Variants in PTPRA observed in about 807,000 individuals in gnomAD.
PTPRA encodes the protein protein tyrosine phosphatase receptor type A.
In PTPRA, 25 loss-of-function variants were observed where a neutral mutation model predicts 104.8. The ratio of observed to expected loss-of-function variants is 0.24; its 90% CI spans 0.17 to 0.33. The LOEUF is 0.33. PTPRA is among the 10% of genes least tolerant of loss of function. The pLI is 1.00. For synonymous variants in PTPRA, 323 were observed against 368.9 expected (o/e 0.88, Z 1.43); for missense variants, 765 against 1,015.3 (o/e 0.75, Z 3.35).
chr20:2,975,694 A>G (rs975806292), intron 6 of PTPRA, among the ~76,000 whole-genome samples: 2 of 152,102 alleles, frequency 1.3e-5, no homozygotes, highest in Admixed American at 6.6e-5. Context: ...TAAAGTCTCT[A>G]TGGCCTGAGA....
chr20:2,986,705 C>T, intron 6 of PTPRA, 60 bp from the exon 7 acceptor site: 1 of 1,445,434 alleles, frequency 6.9e-7, no homozygotes, highest in Admixed American at 1.7e-5. Context: ...CCCTGAATGG[C>T]TGACTTAAGC....
At chr20:2,909,960 T>A (rs1231004856) in intron 1 of PTPRA, among the ~76,000 whole-genome samples, 2 of 123,832 alleles carry the variant, frequency 1.6e-5, no homozygotes, top group Non-Finnish European at 3.1e-5. Flanking sequence ...TATTATAATA[T>A]ATGATATATA....
chr20:3,031,868 T>C (rs2065472650), intron 20 of PTPRA, among the ~76,000 whole-genome samples: 1 of 152,218 alleles, frequency 6.6e-6, no homozygotes, highest in Admixed American at 6.5e-5. Context: ...CCTCATGCTT[T>C]CTTACTTTCA....
At chr20:2,885,162 C>G (rs1034972267) in intron 1 of PTPRA, among the ~76,000 whole-genome samples, 5 of 152,190 alleles carry the variant, frequency 3.3e-5, no homozygotes, top group African/African-American at 1.2e-4. Flanking sequence ...ACAATCCCAG[C>G]AGCAGTGTAT....
At chr20:3,036,269 G>A (rs904914578) in intron 22 of PTPRA, among the ~76,000 whole-genome samples, 2 of 152,240 alleles carry the variant, frequency 1.3e-5, no homozygotes, top group Admixed American at 1.3e-4. Context: ...TTTGAGCCTG[G>A]GTTGGTGTGA....
At chr20:2,929,930 G>A (rs1044294509) in intron 2 of PTPRA, among the ~76,000 whole-genome samples, 6 of 152,148 alleles carry the variant, frequency 3.9e-5, no homozygotes, top group African/African-American at 9.7e-5. Flanking sequence ...ATTTGTACAC[G>A]CAGACATCAG....
At chr20:3,028,171 C>A (rs1459122023) in intron 20 of PTPRA, among the ~76,000 whole-genome samples, 1 of 150,810 alleles carries the variant, frequency 6.6e-6, no homozygotes, top group Non-Finnish European at 1.5e-5. Flanking sequence ...AGCCTTTGCA[C>A]AGTGCCCCAG....
At chr20:3,012,610 A>G (rs1311738305) in intron 11 of PTPRA, among the ~76,000 whole-genome samples, 1 of 152,262 alleles carries the variant, frequency 6.6e-6, no homozygotes, top group Non-Finnish European at 1.5e-5. Flanking sequence ...GCAAAGATAA[A>G]GCATGGCTCA....
chr20:2,956,389 G>A lies in PTPRA; in HGVS notation c.-6-7883G>A, dbSNP rs192842610. Among the ~76,000 whole-genome samples the A allele has an allele frequency of 1.2e-3, 187 of 151,744 alleles. 2 individuals carry two copies. Among genetic ancestry groups the A allele is most frequent in the African/African-American group, 4.1e-3 (168 of 41,356 alleles). ...CGAGCCTCATTGTGTGCATTTCCCCGCCCCACCCTTTCCTCACCCACCCTA... is the reference window on the plus strand; with the variant it reads ...CGAGCCTCATTGTGTGCATTTCCCCACCCCACCCTTTCCTCACCCACCCTA... On this transcript the variant is annotated intron_variant, in intron 3 of 23. Transcript: ENST00000399903.
At position 2,986,755 on chromosome 20, in the gene PTPRA, T is replaced by C. The variant is rs779177652; in HGVS notation, c.443-10T>C. The C allele has an allele frequency of 2.7e-5, 43 of 1,606,220 alleles. No individual in the cohort carries two copies. In the East Asian group the frequency reaches 8.7e-4, roughly 32 times the overall value. On this transcript the variant is annotated splice_polypyrimidine_tract_variant and intron_variant, in intron 6 of 23. Transcript: ENST00000399903. ...CACAGTAATGACTTGTTCTGTTGTC[T>C]TGATTTCAGATGAGACACCAATTAT...
intron 5 of PTPRA, among the ~76,000 whole-genome samples, chr20:2,969,635 ACGAGG>A (rs2062090662): frequency 4.3e-5 from 4 of 92,274 alleles, no homozygotes; most frequent in Admixed American, 3.2e-4. Flanking sequence ...CGGGCAGATC[ACGAGG>A]TCAGGAGATC....
At chr20:2,962,811 G>A (rs2061802889) in intron 3 of PTPRA, among the ~76,000 whole-genome samples, 1 of 152,174 alleles carries the variant, frequency 6.6e-6, no homozygotes, top group African/African-American at 2.4e-5. Context: ...GCTAGGCACG[G>A]CTGCTGGTAC....
rs569889957 is a variant in PTPRA, at chr20:2,928,909, A to G, written c.-50+5624A>G. 3.4e-5 allele frequency among the ~76,000 whole-genome samples: 5 copies of G among 147,288 alleles called. No individual in the cohort carries two copies. In the South Asian group the frequency reaches 1.1e-3, roughly 31 times the overall value. On this transcript the variant is annotated intron_variant, in intron 2 of 23. Transcript: ENST00000399903. ...CAGTGGTGCCATCACAGCTCACTGC[A>G]GCCTCGAGCTCCCAGGTTCAAGCAA...
Position 2,982,168 on chromosome 20 carries a change from GAAACCTCCGCCTCCTGGGTA to G in PTPRA, c.443-4596_443-4577del, listed in dbSNP as rs2062703384. ...TGCAGTGGCACGATCTTGGCTCACT[GAAACCTCCGCCTCCTGGGTA>G]CAAGCGATTCTCCTGCCTCAGCCTC... is the stretch of plus-strand genomic sequence containing the variant. On this transcript the variant is annotated intron_variant, in intron 6 of 23. Transcript: ENST00000399903. Among the ~76,000 whole-genome samples the G allele has an allele frequency of 2.0e-5, 3 of 147,492 alleles. No homozygotes were observed. The South Asian group carries it at 6.4e-4, about 32-fold the overall frequency.
chr20:2,865,515 CCAGCCCA>C, the PTPRA span: 1 of 1,608,082 alleles, frequency 6.2e-7, no homozygotes, highest in Non-Finnish European at 8.5e-7. This position sits in a 1 kb window ranked among gnomAD's most constrained non-coding sequence, Gnocchi z 5.2. Flanking sequence ...GGTCCTCCCT[CCAGCCCA>C]CTTCCAGTGA....
the PTPRA span, among the ~76,000 whole-genome samples, chr20:2,867,105 G>C: frequency 6.6e-6 from 1 of 152,352 alleles, no homozygotes; most frequent in Middle Eastern, 3.4e-3. Context: ...ACAGAAAGGA[G>C]ATTGAGGACC....
chr20:2,893,905 A>G (rs2147010609), intron 1 of PTPRA, among the ~76,000 whole-genome samples: 1 of 152,154 alleles, frequency 6.6e-6, no homozygotes, highest in African/African-American at 2.4e-5. Context: ...TATATAATTA[A>G]TATTTATACC....
chr20:2,965,080 G>A lies in PTPRA; in HGVS notation c.293G>A (p.Gly98Asp), dbSNP rs757832049. 6 of 1,613,790 alleles carry A rather than the reference G, an allele frequency of 3.7e-6. No individual in the cohort carries two copies. The African/African-American group carries it at 8.0e-5, about 22-fold the overall frequency. The change falls in exon 5 of 24, where the codon GGC (glycine) becomes GAC (aspartate). Residue 98 changes from glycine (G) to aspartate (D), a missense_variant. Gly to Asp is a moderately conservative substitution (Grantham distance 94). Around this residue, in one of 4 missense-constraint regions of PTPRA, gnomAD observed 256 missense variants for 248.9 expected, o/e 1.03. Transcript: ENST00000399903. ...TTRTASTNSI[G>D]ITISPNGTWL... ...AGAACAGCAAGCACCAATTCTATAG[G>A]CATTACAATTTCACCAAATGGAACG...
intron 1 of PTPRA, among the ~76,000 whole-genome samples, chr20:2,874,589 G>T (rs1225279533): frequency 6.6e-6 from 1 of 152,128 alleles, no homozygotes; most frequent in African/African-American, 2.4e-5. Context: ...AGATGGCTTC[G>T]TTTGCCACCT....
Sources: allele counts gnomAD v4.1 joint callset (sites outside exome capture counted in the v4.1 genomes callset), GRCh38; gene constraint gnomAD v4.1.1; regional missense constraint gnomAD v4.1.1; non-coding constraint Gnocchi (gnomAD v3.1); transcripts MANE v1.5; gene names NCBI Gene and HGNC (gene_info 2026-07-23, HGNC 2026-07-21).